Variants in ADAM22 observed in about 807,000 individuals in gnomAD.
ADAM22 encodes disintegrin and metalloproteinase domain-containing protein 22.
In ADAM22, 65 loss-of-function variants were observed where a neutral mutation model predicts 144.6. That is an observed-to-expected ratio of 0.45 (90% CI 0.37 to 0.55). ADAM22 has a LOEUF of 0.55. ADAM22 is among the 20% of genes least tolerant of loss of function. The pLI is 0.00. For missense variants in ADAM22, 974 were observed against 1,184.9 expected, an observed-to-expected ratio of 0.82 and a Z score of 2.61; for synonymous variants, 391 against 412.6, an observed-to-expected ratio of 0.95 and a Z score of 0.63.
intron 26 of ADAM22, 43 bp from the exon 27 acceptor site, chr7:88,178,892 G>A (rs1440760597): frequency 7.8e-7 from 1 of 1,288,000 alleles, no homozygotes; most frequent in Non-Finnish European, 1.1e-6. Context: ...GTGTTCATGT[G>A]TGTGTCTTGT....
intron 4 of ADAM22, among the ~76,000 whole-genome samples, chr7:88,091,515 A>C (rs1365956685): frequency 6.6e-6 from 1 of 152,168 alleles, no homozygotes; most frequent in Non-Finnish European, 1.5e-5. Flanking sequence ...TACTGGTAGC[A>C]GTTGGAGTAA....
intron 5 of ADAM22, among the ~76,000 whole-genome samples, chr7:88,108,556 C>G (rs1314502025): frequency 6.6e-6 from 1 of 152,014 alleles, no homozygotes; most frequent in Non-Finnish European, 1.5e-5. Context: ...TGGTGAAACC[C>G]TGTCTCTACT....
chr7:87,965,779 A>G (rs1316033581), intron 2 of ADAM22, among the ~76,000 whole-genome samples: 1 of 152,216 alleles, frequency 6.6e-6, no homozygotes, highest in Non-Finnish European at 1.5e-5. Context: ...TAGTTTTATT[A>G]TTTGGACATG....
chr7:88,031,683 C>A (rs1484499114), intron 3 of ADAM22, among the ~76,000 whole-genome samples: 1 of 152,232 alleles, frequency 6.6e-6, no homozygotes, highest in Non-Finnish European at 1.5e-5. Context: ...AAAAGGGAAG[C>A]AGAGCATGCC....
intron 7 of ADAM22, among the ~76,000 whole-genome samples, chr7:88,122,396 C>T (rs1585928396): frequency 6.6e-6 from 1 of 152,274 alleles, no homozygotes; most frequent in East Asian, 1.9e-4. Flanking sequence ...TACTCACACT[C>T]AGAGAGAGGG....
chr7:87,974,920 C>T (rs914088777), intron 2 of ADAM22, among the ~76,000 whole-genome samples: 7 of 152,104 alleles, frequency 4.6e-5, no homozygotes, highest in African/African-American at 1.2e-4. Flanking sequence ...ACCATCATAC[C>T]TTCTTCTCTG....
intron 3 of ADAM22, among the ~76,000 whole-genome samples, chr7:88,006,698 A>G (rs1229851684): frequency 5.3e-5 from 8 of 149,604 alleles, no homozygotes; most frequent in Non-Finnish European, 3.0e-5. Flanking sequence ...ACAAAATTCA[A>G]CAGCCCTTCA....
At chr7:88,148,528 A>G (rs1401120890) in intron 17 of ADAM22, among the ~76,000 whole-genome samples, 1 of 152,216 alleles carries the variant, frequency 6.6e-6, no homozygotes, top group Non-Finnish European at 1.5e-5. Context: ...GAAGAAGGGT[A>G]GAAGAAACAT....
intron 4 of ADAM22, among the ~76,000 whole-genome samples, chr7:88,080,055 C>T (rs553796681): frequency 6.8e-4 from 103 of 152,282 alleles, no homozygotes; most frequent in African/African-American, 2.3e-3. Flanking sequence ...TTCTTTTCAG[C>T]ACCACAGCAC....
chr7:88,173,303 T>C lies in ADAM22; in HGVS notation c.2300+1742T>C, dbSNP rs964410734. On this transcript the variant is annotated intron_variant, in intron 26 of 31. Transcript: ENST00000413139. ...TCATTTCATTGATCTGGCTACTCTTTTGGAATCTAGTCCATCATATTTTGA... is the reference window on the plus strand; with the variant it reads ...TCATTTCATTGATCTGGCTACTCTTCTGGAATCTAGTCCATCATATTTTGA... 3.9e-5 allele frequency among the ~76,000 whole-genome samples: 6 copies of C among 152,078 alleles called. 1 individual carries two copies. In the South Asian group the frequency reaches 1.2e-3, roughly 31 times the overall value.
chr7:88,048,443 G>T (rs985682877), intron 3 of ADAM22, among the ~76,000 whole-genome samples: 5 of 152,032 alleles, frequency 3.3e-5, no homozygotes, highest in Admixed American at 6.6e-5. Flanking sequence ...CTTCTATAAA[G>T]TCTATACCAA....
chr7:88,080,804 G>A (rs182796725), intron 4 of ADAM22, among the ~76,000 whole-genome samples: 11 of 152,178 alleles, frequency 7.2e-5, no homozygotes. Context: ...CCAGGAAGAA[G>A]TTGAATCTCT....
At chr7:88,062,986 C>T (rs1052452326) in intron 3 of ADAM22, among the ~76,000 whole-genome samples, 3 of 152,102 alleles carry the variant, frequency 2.0e-5, no homozygotes, top group South Asian at 2.1e-4. Context: ...CATCAAAGGT[C>T]ACTGATTACA....
At position 88,107,576 on chromosome 7, in the gene ADAM22, T is replaced by C. The variant is rs527485887; in HGVS notation, c.391-600T>C. On this transcript the variant is annotated intron_variant, in intron 4 of 31. Coordinates refer to ENST00000413139, the MANE Select transcript of ADAM22 (RefSeq NM_001324418.2). ...AAGGGTCACATATGTATTTCCTTTC[T>C]TTTCTTTTTTTGTCATTTTTTCTTT... 2.0e-5 allele frequency among the ~76,000 whole-genome samples: 3 copies of C among 152,178 alleles called. No individual in the cohort carries two copies. The East Asian group carries it at 5.8e-4, about 29-fold the overall frequency.
intron 18 of ADAM22, 22 bp downstream of exon 18, chr7:88,149,079 CT>C (rs752500544): frequency 1.3e-5 from 21 of 1,590,138 alleles, no homozygotes; most frequent in Non-Finnish European, 1.7e-5. Flanking sequence ...AATAACTGCT[CT>C]AAAACTTATG....
chr7:88,076,172 G>T (rs1377633736), intron 4 of ADAM22, among the ~76,000 whole-genome samples: 1 of 152,150 alleles, frequency 6.6e-6, no homozygotes, highest in African/African-American at 2.4e-5. Flanking sequence ...CGAGTAGCTG[G>T]GATTACAGGC....
At position 88,180,966 on chromosome 7, in the gene ADAM22, A is replaced by G. The variant is rs551575371; in HGVS notation, c.2496-539A>G. Among the ~76,000 whole-genome samples the G allele has an allele frequency of 1.3e-3, 204 of 152,198 alleles. 2 individuals carry two copies. The highest frequency in any genetic ancestry group is 4.7e-3 in the African/African-American group (195 of 41,554). ...GCCAACATGTACTACACTTTTTTGGACCATATTTGTGGAGAAAAATGCCAA... is the reference window on the plus strand; with the variant it reads ...GCCAACATGTACTACACTTTTTTGGGCCATATTTGTGGAGAAAAATGCCAA... On this transcript the variant is annotated intron_variant, in intron 27 of 31. Coordinates refer to ENST00000413139, the MANE Select transcript of ADAM22 (RefSeq NM_001324418.2).
intron 22 of ADAM22, among the ~76,000 whole-genome samples, chr7:88,162,319 A>C (rs1841923834): frequency 6.6e-6 from 1 of 152,042 alleles, no homozygotes; most frequent in Admixed American, 6.6e-5. Flanking sequence ...AGCAACAGAC[A>C]CTGGGACCTA....
intron 3 of ADAM22, among the ~76,000 whole-genome samples, chr7:88,068,231 A>G (rs1298232859): frequency 6.6e-6 from 1 of 152,148 alleles, no homozygotes; most frequent in Non-Finnish European, 1.5e-5. Context: ...GGATTCAGAG[A>G]ATGGAGAGAA....
Sources: gnomAD v4.1 joint callset for allele counts (sites outside exome capture counted in the v4.1 genomes callset) on GRCh38, gnomAD v4.1.1 for gene constraint, MANE v1.5 for transcripts, NCBI Gene and HGNC (gene_info 2026-07-23, HGNC 2026-07-21) for gene names.